NUDCD3: variants seen among roughly 807,000 people sequenced by gnomAD.
NUDCD3 encodes NudC domain containing 3.
In NUDCD3, 13 loss-of-function variants were observed where a neutral mutation model predicts 39.7. The ratio of observed to expected loss-of-function variants is 0.33; its 90% CI spans 0.21 to 0.52. NUDCD3 has a LOEUF of 0.52. Ranked by LOEUF, NUDCD3 falls within the 20% of genes least tolerant of loss-of-function variation. The pLI is 0.96. For synonymous variants in NUDCD3, 175 were observed against 172.4 expected (o/e 1.02, Z -0.12); for missense variants, 453 against 458.1 (o/e 0.99, Z 0.10).
At chr7:44,426,688 T>C (rs1799242590) in intron 3 of NUDCD3, among the ~76,000 whole-genome samples, 1 of 148,152 alleles carries the variant, frequency 6.7e-6, no homozygotes, top group African/African-American at 2.5e-5. Flanking sequence ...CCCAGCTACT[T>C]GGGAGGCTGA....
At chr7:44,490,313 G>C (rs1800707794) in intron 1 of NUDCD3, 96 bp downstream of exon 1, 2 of 1,213,374 alleles carry the variant, frequency 1.6e-6, no homozygotes, top group Non-Finnish European at 1.1e-6. Flanking sequence ...CCAGGAAAAG[G>C]AGGAAACAGG....
intron 2 of NUDCD3, among the ~76,000 whole-genome samples, chr7:44,464,383 T>C (rs1404498756): frequency 6.6e-6 from 1 of 152,048 alleles, no homozygotes; most frequent in Non-Finnish European, 1.5e-5. Flanking sequence ...GGCCTCTGGG[T>C]TAGAACACAA....
At chr7:44,425,363 C>CAG (rs1324875382) in intron 3 of NUDCD3, among the ~76,000 whole-genome samples, 2 of 152,150 alleles carry the variant, frequency 1.3e-5, no homozygotes, top group Middle Eastern at 3.2e-3. Flanking sequence ...ACTTACTTCA[C>CAG]AGGTTGCAGG....
intron 3 of NUDCD3, among the ~76,000 whole-genome samples, chr7:44,409,121 C>T (rs554852993): frequency 6.6e-6 from 1 of 152,230 alleles, no homozygotes; most frequent in East Asian, 1.9e-4. Flanking sequence ...TGACATTTTC[C>T]CAGGAATCTA....
intron 4 of NUDCD3, among the ~76,000 whole-genome samples, chr7:44,395,868 C>G (rs1798614441): frequency 6.6e-6 from 1 of 152,136 alleles, no homozygotes; most frequent in African/African-American, 2.4e-5. Context: ...GTGAATAATG[C>G]TGCTATGAAC....
chr7:44,488,145 G>A (rs1033461965), intron 1 of NUDCD3, among the ~76,000 whole-genome samples: 2 of 151,538 alleles, frequency 1.3e-5, no homozygotes, highest in Non-Finnish European at 2.9e-5. Context: ...GACCAGTCTC[G>A]CCAACATGAT....
At chr7:44,439,420 A>C (rs1799532949) in intron 2 of NUDCD3, among the ~76,000 whole-genome samples, 1 of 152,156 alleles carries the variant, frequency 6.6e-6, no homozygotes, top group South Asian at 2.1e-4. Flanking sequence ...AGGGCCTAGA[A>C]GCAGGAGCCA....
intron 2 of NUDCD3, among the ~76,000 whole-genome samples, chr7:44,476,688 A>G (rs1800376448): frequency 6.6e-6 from 1 of 152,224 alleles, no homozygotes; most frequent in Admixed American, 6.5e-5. Context: ...AAGAAGAGGT[A>G]CTAAGAAATG....
chr7:44,412,077 C>A (rs960335256), intron 3 of NUDCD3, among the ~76,000 whole-genome samples: 1 of 152,194 alleles, frequency 6.6e-6, no homozygotes, highest in African/African-American at 2.4e-5. Flanking sequence ...GGTCATCACC[C>A]TTAGGTTCTG....
At chr7:44,413,364 G>C (rs1245419291) in intron 3 of NUDCD3, 4 of 152,102 alleles carry the variant, frequency 2.6e-5, no homozygotes, top group Admixed American at 2.6e-4. Flanking sequence ...TGAGACGGGA[G>C]AATCAATATA....
intron 3 of NUDCD3, among the ~76,000 whole-genome samples, chr7:44,426,791 G>A (rs1225435103): frequency 1.4e-5 from 2 of 139,038 alleles, no homozygotes; most frequent in African/African-American, 2.7e-5. Context: ...GCGAGACTCC[G>A]TCTCAAAAAA....
chr7:44,450,587 T>C (rs1799776882), intron 2 of NUDCD3, among the ~76,000 whole-genome samples: 1 of 151,170 alleles, frequency 6.6e-6, no homozygotes, highest in Admixed American at 6.6e-5. Context: ...AGCCCAGGAG[T>C]TTGAGACCAG....
intron 2 of NUDCD3, among the ~76,000 whole-genome samples, chr7:44,440,496 G>GGAAAAAAAA (rs765880867): frequency 2.1e-5 from 1 of 48,386 alleles, no homozygotes; most frequent in Non-Finnish European, 4.0e-5. Flanking sequence ...CAGAAAAATT[G>GGAAAAAAAA]AAAAAAAAAA....
chr7:44,406,786 A>G (rs138799195), intron 3 of NUDCD3, among the ~76,000 whole-genome samples: 1 of 152,320 alleles, frequency 6.6e-6, no homozygotes, highest in East Asian at 1.9e-4. Flanking sequence ...ATGGGGGAAG[A>G]GGGAGGCCAG....
chr7:44,412,639 T>C (rs926984825), intron 3 of NUDCD3, among the ~76,000 whole-genome samples: 4 of 152,110 alleles, frequency 2.6e-5, no homozygotes, highest in Non-Finnish European at 4.4e-5. Flanking sequence ...TTAGAAACCA[T>C]TGGCAGGGCC....
Position 44,422,944 on chromosome 7 carries a change from C to T in NUDCD3, c.642+4627G>A, listed in dbSNP as rs181092979. Among the ~76,000 whole-genome samples the T allele has an allele frequency of 2.4e-3, 368 of 152,048 alleles. 2 individuals carry two copies. The highest frequency in any genetic ancestry group is 9.0e-4 in the Non-Finnish European group (61 of 67,828). On this transcript the variant is annotated intron_variant, in intron 3 of 5. Coordinates refer to ENST00000355451, the MANE Select transcript of NUDCD3 (RefSeq NM_015332.4). Reference sequence around the variant, plus strand: ...AGCACATCAAAAAGCTTATCTACTACGATCAAGTCGGCTTCATCCCTGGGA... The same window carrying T: ...AGCACATCAAAAAGCTTATCTACTATGATCAAGTCGGCTTCATCCCTGGGA...
Position 44,484,939 on chromosome 7 carries a change from G to A in NUDCD3, c.509+29C>T, listed in dbSNP as rs114062624. ...CAAACACCAGATGTTACGCAAGAAA[G>A]AAGGAAGCTGCAAAGTAGAAATTCC... On this transcript the variant is annotated intron_variant, in intron 2 of 5. Transcript: ENST00000355451. 1,634 of 1,529,238 alleles carry A rather than the reference G, an allele frequency of 1.1e-3. 15 individuals carry two copies. The African/African-American group carries it at 0.02, about 19-fold the overall frequency. The allele number at this position is 1,529,238 out of a possible 1,614,324, so 94.7% of individuals were successfully genotyped here. A position where few individuals can be genotyped will look rare whatever the true frequency, so the allele number is the denominator to read the frequency against.
chr7:44,470,658 C>G (rs1800236350), intron 2 of NUDCD3, among the ~76,000 whole-genome samples: 1 of 152,186 alleles, frequency 6.6e-6, no homozygotes, highest in African/African-American at 2.4e-5. Flanking sequence ...GGAAGCAACC[C>G]ATGAGGGAAG....
At chr7:44,386,235 C>A in intron 5 of NUDCD3, 114 bp from the exon 6 acceptor site, 1 of 1,171,018 alleles carries the variant, frequency 8.5e-7, no homozygotes, top group Non-Finnish European at 1.2e-6. Flanking sequence ...GGCTCAGGCA[C>A]TTGCCTGGCA....
Sources: gnomAD v4.1 joint callset for allele counts (sites outside exome capture counted in the v4.1 genomes callset) on GRCh38, gnomAD v4.1.1 for gene constraint, MANE v1.5 for transcripts, NCBI Gene and HGNC (gene_info 2026-07-23, HGNC 2026-07-21) for gene names.